KIAA2012: variants seen among roughly 807,000 people sequenced by gnomAD.
KIAA2012 encodes uncharacterized protein KIAA2012.
Under a neutral mutation model 150.6 loss-of-function variants are expected in KIAA2012, and 125 were observed. The ratio of observed to expected loss-of-function variants is 0.83; its 90% CI spans 0.72 to 0.96. The LOEUF (loss-of-function observed/expected upper bound fraction) is 0.96, where lower values mean the gene tolerates loss of function less well. KIAA2012 is among the 40% of genes least tolerant of loss of function. The pLI, the probability that KIAA2012 is intolerant of heterozygous loss-of-function variation, is 0.00. For missense variants in KIAA2012, 1,219 were observed against 1,354.9 expected (o/e 0.90, Z 1.57); for synonymous variants, 462 against 504.7 (o/e 0.92, Z 1.13).
At chr2:202,097,619 T>C (rs1315933422) in intron 5 of KIAA2012, 42 bp downstream of exon 5, 1 of 1,533,962 alleles carries the variant, frequency 6.5e-7, no homozygotes, top group African/African-American at 1.4e-5. Flanking sequence ...AGACGGAGTC[T>C]CACTCTGTCA....
chr2:202,091,518 A>G (rs1689721942), intron 3 of KIAA2012, among the ~76,000 whole-genome samples: 1 of 152,152 alleles, frequency 6.6e-6, no homozygotes, highest in Admixed American at 6.6e-5. Context: ...AACAGACCCT[A>G]AATGCACTCT....
intron 13 of KIAA2012, among the ~76,000 whole-genome samples, chr2:202,139,790 G>C (rs2105945157): frequency 6.6e-6 from 1 of 152,320 alleles, no homozygotes; most frequent in South Asian, 2.1e-4. Context: ...TTTTGAAAGA[G>C]TGTGTGACTA....
chr2:202,110,618 G>T (rs751447773), intron 10 of KIAA2012, among the ~76,000 whole-genome samples: 1 of 152,164 alleles, frequency 6.6e-6, no homozygotes, highest in Non-Finnish European at 1.5e-5. Context: ...AGGTATCTCT[G>T]TTAACAGCAG....
chr2:202,193,554 A>G, intron 20 of KIAA2012, 51 bp downstream of exon 20: 2 of 1,539,340 alleles, frequency 1.3e-6, no homozygotes, highest in South Asian at 2.4e-5. Context: ...AGCAGAAGAA[A>G]AAGACAGTGG....
intron 12 of KIAA2012, among the ~76,000 whole-genome samples, chr2:202,131,797 G>T (rs1690935727): frequency 6.6e-6 from 1 of 152,190 alleles, no homozygotes; most frequent in Admixed American, 6.5e-5. Flanking sequence ...TGTAATGACT[G>T]CACCCCAGGG....
intron 13 of KIAA2012, among the ~76,000 whole-genome samples, chr2:202,141,764 C>G (rs1400473564): frequency 6.6e-6 from 1 of 152,136 alleles, no homozygotes; most frequent in East Asian, 1.9e-4. Context: ...TTGCTCTTAC[C>G]TCGGTGAGCT....
intron 14 of KIAA2012, among the ~76,000 whole-genome samples, chr2:202,162,142 G>T (rs1257057512): frequency 6.6e-6 from 1 of 151,708 alleles, no homozygotes; most frequent in Non-Finnish European, 1.5e-5. Flanking sequence ...AACTGGAGTT[G>T]CTAGTTTCCT....
intron 14 of KIAA2012, among the ~76,000 whole-genome samples, chr2:202,160,902 C>T (rs1348176156): frequency 2.0e-5 from 3 of 152,116 alleles, no homozygotes; most frequent in Non-Finnish European, 4.4e-5. Context: ...TGGCTCAAGA[C>T]AGGCTGGAGG....
At chr2:202,161,201 C>T (rs1286319592) in intron 14 of KIAA2012, among the ~76,000 whole-genome samples, 5 of 152,130 alleles carry the variant, frequency 3.3e-5, no homozygotes, top group Non-Finnish European at 7.4e-5. Flanking sequence ...GACTGCAGGA[C>T]CTGTACTTCA....
At chr2:202,183,431 A>G (rs1692160713) in intron 15 of KIAA2012, among the ~76,000 whole-genome samples, 1 of 150,308 alleles carries the variant, frequency 6.7e-6, no homozygotes, top group Non-Finnish European at 1.5e-5. Flanking sequence ...AAAAAAAAAA[A>G]AAGTTAACAT....
chr2:202,172,521 C>G (rs567579767), intron 15 of KIAA2012, among the ~76,000 whole-genome samples: 1 of 152,310 alleles, frequency 6.6e-6, no homozygotes, highest in South Asian at 2.1e-4. Context: ...TCAAGAGAAT[C>G]GTGCATGACA....
intron 2 of KIAA2012, among the ~76,000 whole-genome samples, chr2:202,079,994 T>C (rs1172005352): frequency 6.6e-6 from 1 of 152,210 alleles, no homozygotes; most frequent in African/African-American, 2.4e-5. Context: ...GTGCTAGCAT[T>C]ACCTCCGTTT....
At chr2:202,079,619 A>G (rs1204556494) in intron 2 of KIAA2012, among the ~76,000 whole-genome samples, 4 of 152,168 alleles carry the variant, frequency 2.6e-5, no homozygotes, top group East Asian at 1.9e-4. Flanking sequence ...TGATGGCCCA[A>G]CTCCTTACGG....
Position 202,113,329 on chromosome 2 carries a change from T to C in KIAA2012, c.1652-7T>C. 6.5e-7 allele frequency: 1 copy of C among 1,549,080 alleles called. No homozygotes were observed. The highest frequency in any genetic ancestry group is 8.7e-7 in the Non-Finnish European group (1 of 1,145,548). Reference sequence around the variant, plus strand: ...TGACACTGCCTATGCTTGTGCTTATTTTCAAGAAGATTCCAGCGACCCTAC... The same window carrying C: ...TGACACTGCCTATGCTTGTGCTTATCTTCAAGAAGATTCCAGCGACCCTAC... On this transcript the variant is annotated splice_region_variant and splice_polypyrimidine_tract_variant and intron_variant, in intron 10 of 23. Coordinates refer to ENST00000498697, the MANE Select transcript of KIAA2012 (RefSeq NM_001277372.4).
chr2:202,176,578 T>C (rs550466427), intron 15 of KIAA2012, among the ~76,000 whole-genome samples: 1 of 152,330 alleles, frequency 6.6e-6, no homozygotes, highest in Admixed American at 6.5e-5. Flanking sequence ...TAGAAGGAGA[T>C]ACCTGCAATG....
chr2:202,176,547 G>A (rs983471994), intron 15 of KIAA2012, among the ~76,000 whole-genome samples: 2 of 152,168 alleles, frequency 1.3e-5, no homozygotes, highest in Admixed American at 1.3e-4. Flanking sequence ...ACAACATGAA[G>A]TTAAAAGCCA....
intron 11 of KIAA2012, chr2:202,116,647 T>C (rs965221888): frequency 6.6e-6 from 1 of 152,016 alleles, no homozygotes; most frequent in African/African-American, 2.4e-5. Context: ...TTAATTAGCA[T>C]CCTTCCCCCT....
intron 13 of KIAA2012, among the ~76,000 whole-genome samples, chr2:202,140,417 G>A (rs35521076): frequency 0.34 from 52,112 of 151,828 alleles, 9,206 homozygotes; most frequent in East Asian, 0.59. Flanking sequence ...TGATGGGGTG[G>A]CTCCCACCAG....
intron 15 of KIAA2012, 147 bp downstream of exon 15, chr2:202,165,503 C>G (rs1488130108): frequency 2.9e-6 from 2 of 701,296 alleles, no homozygotes; most frequent in Non-Finnish European, 4.7e-6. Flanking sequence ...GGGTGGATCA[C>G]CTGAGGCCAG....
Sources: allele counts gnomAD v4.1 joint callset (sites outside exome capture counted in the v4.1 genomes callset), GRCh38; gene constraint gnomAD v4.1.1; transcripts MANE v1.5; gene names NCBI Gene and HGNC (gene_info 2026-07-23, HGNC 2026-07-21).